The following ICA1 variants were observed in gnomAD, a reference collection of about 807,000 sequenced individuals.
ICA1 encodes 69 kDa islet cell autoantigen.
ICA1 carries 40 observed loss-of-function variants against 71.0 expected under a neutral mutation model. The ratio of observed to expected loss-of-function variants is 0.56; its 90% CI spans 0.44 to 0.73. The LOEUF is 0.73. ICA1 is among the 30% of genes least tolerant of loss of function. The probability of loss-of-function intolerance (pLI) is 0.00; values close to 1 mark genes in which losing one functional copy is unlikely to be tolerated. For missense variants in ICA1, 578 were observed against 576.5 expected (o/e 1.00, Z -0.03); for synonymous variants, 207 against 209.5 (o/e 0.99, Z 0.10).
chr7:8,144,211 G>C lies in ICA1; in HGVS notation c.805-239C>G, dbSNP rs1584489717. 1.3e-5 allele frequency among the ~76,000 whole-genome samples: 2 copies of C among 152,086 alleles called. No individual in the cohort carries two copies. The highest frequency in any genetic ancestry group is 4.2e-4 in the South Asian group (2 of 4,812). Reference sequence around the variant, plus strand: ...CCGAGAAATACTAGCATATATAGCAGAGCTGATTTGCCACAAGATTTATGT... The same window carrying C: ...CCGAGAAATACTAGCATATATAGCACAGCTGATTTGCCACAAGATTTATGT... On this transcript the variant is annotated intron_variant, in intron 8 of 13. Transcript: ENST00000402384. This position sits in a 1 kb window ranked among gnomAD's most constrained non-coding sequence, Gnocchi z 4.5.
intron 6 of ICA1, among the ~76,000 whole-genome samples, chr7:8,175,651 C>T (rs7787117): frequency 0.26 from 39,681 of 151,984 alleles, 5,608 homozygotes; most frequent in African/African-American, 0.36. Flanking sequence ...AGCCACCAAA[C>T]TTTTTCCCTA....
intron 6 of ICA1, among the ~76,000 whole-genome samples, chr7:8,179,939 T>C (rs1562868619): frequency 6.6e-6 from 1 of 152,312 alleles, no homozygotes; most frequent in South Asian, 2.1e-4. Flanking sequence ...CACTTTATTC[T>C]ATGCTTTTTT....
chr7:8,176,986 C>T (rs908649982), intron 6 of ICA1, among the ~76,000 whole-genome samples: 3 of 152,186 alleles, frequency 2.0e-5, no homozygotes, highest in Non-Finnish European at 4.4e-5. Flanking sequence ...CTCCGAACAG[C>T]GAGATTAACT....
At chr7:8,225,888 G>C (rs957200504) in intron 4 of ICA1, among the ~76,000 whole-genome samples, 14 of 152,112 alleles carry the variant, frequency 9.2e-5, no homozygotes, top group Admixed American at 6.6e-4. Flanking sequence ...TTTCAGCATT[G>C]CTAACCCATA....
intron 6 of ICA1, among the ~76,000 whole-genome samples, chr7:8,200,680 T>G (rs553998177): frequency 1.3e-5 from 2 of 152,208 alleles, no homozygotes; most frequent in African/African-American, 4.8e-5. Flanking sequence ...TAGACTGTAG[T>G]TGACTACTGA....
chr7:8,149,009 C>T (rs1357099749), intron 8 of ICA1, among the ~76,000 whole-genome samples: 1 of 152,148 alleles, frequency 6.6e-6, no homozygotes, highest in African/African-American at 2.4e-5. Context: ...ATTTTGAAGT[C>T]CACGACTCCA....
intron 6 of ICA1, among the ~76,000 whole-genome samples, chr7:8,180,099 T>C (rs923269535): frequency 6.6e-6 from 1 of 152,032 alleles, no homozygotes; most frequent in Admixed American, 6.6e-5. Context: ...CTTTTAAATA[T>C]GTATATACCC....
intron 6 of ICA1, among the ~76,000 whole-genome samples, chr7:8,201,046 C>G (rs3757520): frequency 0.47 from 70,711 of 152,060 alleles, 20,326 homozygotes; most frequent in South Asian, 0.73. Flanking sequence ...TCTAGAGTGA[C>G]AATGCTTGTG....
intron 8 of ICA1, among the ~76,000 whole-genome samples, chr7:8,152,725 T>TAC (rs1799610376): frequency 1.5e-4 from 3 of 19,684 alleles, no homozygotes; most frequent in East Asian, 1.6e-3. Flanking sequence ...TCCTCCACCA[T>TAC]CACCACCACC....
intron 6 of ICA1, among the ~76,000 whole-genome samples, chr7:8,215,449 A>G (rs1031946601): frequency 6.6e-5 from 10 of 151,858 alleles, no homozygotes; most frequent in African/African-American, 2.2e-4. Flanking sequence ...GCCACCATAG[A>G]CACTACTGTT....
intron 8 of ICA1, among the ~76,000 whole-genome samples, chr7:8,149,299 G>A (rs1466145711): frequency 6.6e-6 from 1 of 152,216 alleles, no homozygotes; most frequent in African/African-American, 2.4e-5. Context: ...TGTATTAGCA[G>A]CACACAGAGT....
chr7:8,158,483 C>T, intron 7 of ICA1, 44 bp downstream of exon 7: 1 of 1,609,112 alleles, frequency 6.2e-7, no homozygotes, highest in South Asian at 1.1e-5. Flanking sequence ...TTATTTAAAC[C>T]TTGTGCCATC....
intron 6 of ICA1, among the ~76,000 whole-genome samples, chr7:8,186,159 A>G (rs1030157182): frequency 6.6e-6 from 1 of 152,182 alleles, no homozygotes; most frequent in African/African-American, 2.4e-5. Context: ...AGCAATTCAG[A>G]TGAAAGGAAC....
chr7:8,119,937 A>C (rs918066254), intron 13 of ICA1, among the ~76,000 whole-genome samples: 1 of 152,226 alleles, frequency 6.6e-6, no homozygotes, highest in Non-Finnish European at 1.5e-5. Context: ...TCCTTTATAG[A>C]CAAAACAGAT....
rs1453318180 is a variant in ICA1 at position 8,236,033 on chromosome 7, T to C, written c.-79-28A>G. 3.2e-5 allele frequency: 36 copies of C among 1,141,034 alleles called. No individual in the cohort carries two copies. In the South Asian group the frequency reaches 3.6e-4, roughly 11 times the overall value. 70.7% of individuals were successfully genotyped at this position (1,141,034 alleles called of 1,614,324 possible). A position where few individuals can be genotyped will look rare whatever the true frequency, so the allele number is the denominator to read the frequency against. ...GAAATAAAACAAATATGTTTAATAG[T>C]TACACACCATATTATAGTTACATAT... On this transcript the variant is annotated intron_variant, in intron 1 of 13. Transcript: ENST00000402384.
At chr7:8,155,964 T>G (rs893450869) in intron 8 of ICA1, among the ~76,000 whole-genome samples, 15 of 152,198 alleles carry the variant, frequency 9.9e-5, no homozygotes, top group Non-Finnish European at 2.1e-4. Flanking sequence ...TGCTTATAGT[T>G]GACAGAGCAA....
At chr7:8,143,137 G>C (rs1253663029) in intron 9 of ICA1, among the ~76,000 whole-genome samples, 1 of 152,202 alleles carries the variant, frequency 6.6e-6, no homozygotes. Flanking sequence ...CCAGTTCAAA[G>C]ATTAACTGCA....
At chr7:8,119,521 G>A (rs1241204580) in intron 13 of ICA1, among the ~76,000 whole-genome samples, 1 of 152,208 alleles carries the variant, frequency 6.6e-6, no homozygotes, top group South Asian at 2.1e-4. Flanking sequence ...CTATAAATAA[G>A]TGAAACATCT....
intron 8 of ICA1, among the ~76,000 whole-genome samples, chr7:8,154,978 A>G (rs1203204516): frequency 6.6e-6 from 1 of 152,230 alleles, no homozygotes; most frequent in Non-Finnish European, 1.5e-5. Context: ...TTTTGACACT[A>G]AAAGTAATGG....
Sources: gnomAD v4.1 joint callset for allele counts (sites outside exome capture counted in the v4.1 genomes callset) on GRCh38, gnomAD v4.1.1 for gene constraint, Gnocchi (gnomAD v3.1) non-coding constraint, MANE v1.5 for transcripts, NCBI Gene and HGNC (gene_info 2026-07-23, HGNC 2026-07-21) for gene names.